The following TNFSF4 variants were observed in gnomAD, a reference collection of about 807,000 sequenced individuals.
The protein encoded by TNFSF4 is TNF superfamily member 4.
Under a neutral mutation model 7.3 loss-of-function variants are expected in TNFSF4, and 4 were observed. That is an observed-to-expected ratio of 0.55 (90% confidence interval 0.27 to 1.25). The LOEUF (loss-of-function observed/expected upper bound fraction) is 1.25, where lower values mean the gene tolerates loss of function less well. Among genes scored for constraint, TNFSF4 ranks in the 50% most tolerant of loss-of-function variants. The probability of loss-of-function intolerance (pLI) is 0.12; values close to 1 mark genes in which losing one functional copy is unlikely to be tolerated. For synonymous variants in TNFSF4, 76 were observed against 83.7 expected, an observed-to-expected ratio of 0.91 and a Z score of 0.50; for missense variants, 181 against 208.8, an observed-to-expected ratio of 0.87 and a Z score of 0.82.
At chr1:173,276,305 C>T in the TNFSF4 span, among the ~76,000 whole-genome samples, 1 of 152,086 alleles carries the variant, frequency 6.6e-6, no homozygotes, top group African/African-American at 2.4e-5. Context: ...GAGGAAGACA[C>T]TCTCTAAGCT....
the TNFSF4 span, among the ~76,000 whole-genome samples, chr1:173,371,759 A>C: frequency 6.6e-6 from 1 of 152,140 alleles, no homozygotes; most frequent in African/African-American, 2.4e-5. Context: ...TGCTTTCTCA[A>C]ATACCAGAGG....
At chr1:173,311,031 T>C in the TNFSF4 span, among the ~76,000 whole-genome samples, 3 of 152,042 alleles carry the variant, frequency 2.0e-5, no homozygotes, top group Admixed American at 6.6e-5. Context: ...TATTATCTCA[T>C]GTAAACATCA....
chr1:173,192,154 C>T (rs1055587864), intron 1 of TNFSF4, among the ~76,000 whole-genome samples: 1 of 152,154 alleles, frequency 6.6e-6, no homozygotes, highest in Non-Finnish European at 1.5e-5. Context: ...CCAGCATGTC[C>T]CTCCATCTGT....
the TNFSF4 span, among the ~76,000 whole-genome samples, chr1:173,374,894 C>A: frequency 6.6e-6 from 1 of 152,156 alleles, no homozygotes. Context: ...ACTGGAATAG[C>A]CAGTTTATGT....
chr1:173,272,601 CTGTT>C, the TNFSF4 span, among the ~76,000 whole-genome samples: 2 of 152,116 alleles, frequency 1.3e-5, no homozygotes, highest in Non-Finnish European at 2.9e-5. Context: ...TGAAGCTTTC[CTGTT>C]TGTTTTTCTG....
chr1:173,330,156 G>T, the TNFSF4 span, among the ~76,000 whole-genome samples: 4 of 152,052 alleles, frequency 2.6e-5, no homozygotes, highest in Non-Finnish European at 5.9e-5. Flanking sequence ...AACCCACTTT[G>T]TTGGCCAGAA....
the TNFSF4 span, among the ~76,000 whole-genome samples, chr1:173,330,440 T>C: frequency 1.3e-3 from 198 of 152,150 alleles, no homozygotes; most frequent in African/African-American, 3.8e-3. Flanking sequence ...AATTAATACC[T>C]AATTTTATAA....
chr1:173,272,486 T>G, the TNFSF4 span, among the ~76,000 whole-genome samples: 1 of 152,088 alleles, frequency 6.6e-6, no homozygotes, highest in Admixed American at 6.6e-5. Flanking sequence ...AAATCAGGAC[T>G]GCAAGATGGA....
chr1:173,385,412 C>T, the TNFSF4 span, among the ~76,000 whole-genome samples: 3 of 152,140 alleles, frequency 2.0e-5, no homozygotes, highest in Non-Finnish European at 4.4e-5. Flanking sequence ...AAAACAGGTG[C>T]AGGTCACTCT....
chr1:173,381,023 T>C, the TNFSF4 span, among the ~76,000 whole-genome samples: 6 of 152,196 alleles, frequency 3.9e-5, no homozygotes, highest in African/African-American at 1.4e-4. Flanking sequence ...AGCTCAAGTC[T>C]GTCAGCGCAA....
At chr1:173,350,691 C>T in the TNFSF4 span, among the ~76,000 whole-genome samples, 2 of 152,330 alleles carry the variant, frequency 1.3e-5, no homozygotes, top group Non-Finnish European at 1.5e-5. Context: ...GTGCCTCCAC[C>T]AACCTCTAGA....
At chr1:173,441,715 G>A in the TNFSF4 span, among the ~76,000 whole-genome samples, 2 of 152,158 alleles carry the variant, frequency 1.3e-5, no homozygotes, top group Non-Finnish European at 2.9e-5. Context: ...AACAGTGTCT[G>A]GTTTTCACTC....
the TNFSF4 span, among the ~76,000 whole-genome samples, chr1:173,379,576 C>T: frequency 4.3e-4 from 65 of 152,270 alleles, no homozygotes; most frequent in African/African-American, 1.3e-3. Flanking sequence ...CAGGAGAAAG[C>T]TCCAAAAGCG....
the TNFSF4 span, among the ~76,000 whole-genome samples, chr1:173,396,126 C>T: frequency 6.6e-6 from 1 of 152,136 alleles, no homozygotes; most frequent in African/African-American, 2.4e-5. Flanking sequence ...AAGTGTGACC[C>T]AAGAGGAGGT....
the TNFSF4 span, among the ~76,000 whole-genome samples, chr1:173,302,462 T>C: frequency 6.6e-6 from 1 of 152,032 alleles, no homozygotes; most frequent in East Asian, 1.9e-4. Context: ...TCACACTCTT[T>C]GACCTCATCT....
At chr1:173,411,606 C>T in the TNFSF4 span, among the ~76,000 whole-genome samples, 1 of 151,854 alleles carries the variant, frequency 6.6e-6, no homozygotes, top group South Asian at 2.1e-4. Flanking sequence ...CTGAGACCAG[C>T]CTGGCCAACA....
At chr1:173,312,528 A>G in the TNFSF4 span, among the ~76,000 whole-genome samples, 1 of 152,136 alleles carries the variant, frequency 6.6e-6, no homozygotes, top group Admixed American at 6.5e-5. Context: ...GAGAAAATAG[A>G]CAAAGACTCA....
At chr1:173,274,811 T>C in the TNFSF4 span, among the ~76,000 whole-genome samples, 1 of 152,120 alleles carries the variant, frequency 6.6e-6, no homozygotes, top group East Asian at 1.9e-4. Context: ...TGTTTTTAAA[T>C]TCAGTCAATT....
the TNFSF4 span, among the ~76,000 whole-genome samples, chr1:173,398,107 C>G: frequency 1.3e-5 from 2 of 152,308 alleles, no homozygotes; most frequent in Non-Finnish European, 1.5e-5. Flanking sequence ...TTTATTAAGG[C>G]AAGGTCATCA....
Sources: allele counts gnomAD v4.1 joint callset (sites outside exome capture counted in the v4.1 genomes callset), GRCh38; gene constraint gnomAD v4.1.1; transcripts MANE v1.5; gene names NCBI Gene and HGNC (gene_info 2026-07-23, HGNC 2026-07-21).